Variants in LINGO2 observed in about 807,000 individuals in gnomAD.
LINGO2 encodes the protein leucine-rich repeat and immunoglobulin-like domain-containing nogo receptor-interacting protein 2.
LINGO2 carries 14 observed loss-of-function variants against 30.6 expected under a neutral mutation model. That is an observed-to-expected ratio of 0.46 (90% CI 0.30 to 0.72). The LOEUF is 0.72. Ranked by LOEUF, LINGO2 falls within the 30% of genes least tolerant of loss-of-function variation. LINGO2 has a pLI of 0.07. For synonymous variants in LINGO2, 317 were observed against 288.5 expected (o/e 1.10, Z -1.00); for missense variants, 729 against 751.7 (o/e 0.97, Z 0.35).
At chr9:28,028,831 C>T (rs973900333) in intron 4 of LINGO2, among the ~76,000 whole-genome samples, 4 of 152,080 alleles carry the variant, frequency 2.6e-5, no homozygotes, top group Non-Finnish European at 4.4e-5. Context: ...TGCCTACACT[C>T]ATATAGGGAA....
chr9:28,510,700 G>A (rs1385942532), intron 1 of LINGO2, among the ~76,000 whole-genome samples: 2 of 151,630 alleles, frequency 1.3e-5, no homozygotes, highest in African/African-American at 4.8e-5. Flanking sequence ...GTGTGTGTGT[G>A]TGTGTGTGTA....
intron 4 of LINGO2, among the ~76,000 whole-genome samples, chr9:28,040,133 C>T (rs531127295): frequency 6.6e-6 from 1 of 152,162 alleles, no homozygotes; most frequent in Admixed American, 6.5e-5. Context: ...TCACTCCCTT[C>T]CTTATAAACT....
the LINGO2 span, among the ~76,000 whole-genome samples, chr9:29,032,952 A>G: frequency 1.6e-4 from 24 of 152,226 alleles, no homozygotes; most frequent in East Asian, 3.9e-3. Context: ...GCCTAATTAA[A>G]CCAATATGAG....
At chr9:28,182,152 C>T (rs1172456281) in intron 4 of LINGO2, among the ~76,000 whole-genome samples, 1 of 152,006 alleles carries the variant, frequency 6.6e-6, no homozygotes, top group Non-Finnish European at 1.5e-5. Context: ...ACCTCAGAAA[C>T]AACACCGCAC....
chr9:27,990,295 T>C (rs1390248560), intron 5 of LINGO2, among the ~76,000 whole-genome samples: 2 of 152,072 alleles, frequency 1.3e-5, no homozygotes, highest in Non-Finnish European at 2.9e-5. Context: ...CACTAGTTTC[T>C]GACTGATTAA....
chr9:29,170,537 C>G, the LINGO2 span, among the ~76,000 whole-genome samples: 1 of 152,028 alleles, frequency 6.6e-6, no homozygotes, highest in Non-Finnish European at 1.5e-5. Flanking sequence ...GACTTCACCA[C>G]TATGCTATAT....
the LINGO2 span, among the ~76,000 whole-genome samples, chr9:28,816,752 T>A: frequency 6.6e-6 from 1 of 152,148 alleles, no homozygotes; most frequent in African/African-American, 2.4e-5. Flanking sequence ...CCTTGTAAAA[T>A]GAACTAGATA....
At chr9:29,147,145 T>C in the LINGO2 span, among the ~76,000 whole-genome samples, 1 of 151,060 alleles carries the variant, frequency 6.6e-6, no homozygotes, top group Non-Finnish European at 1.5e-5. Context: ...AAATTAAATG[T>C]TTTTTCATAT....
the LINGO2 span, among the ~76,000 whole-genome samples, chr9:28,700,457 T>G: frequency 6.6e-6 from 1 of 152,102 alleles, no homozygotes; most frequent in Non-Finnish European, 1.5e-5. Context: ...TTTTTGTGAC[T>G]TAATAGCTCA....
At chr9:28,145,702 T>C (rs1827794372) in intron 4 of LINGO2, among the ~76,000 whole-genome samples, 1 of 152,148 alleles carries the variant, frequency 6.6e-6, no homozygotes, top group Admixed American at 6.5e-5. Context: ...TCTTGCTGGA[T>C]GTGAAATTTG....
chr9:28,617,476 T>C (rs554716869), intron 1 of LINGO2, among the ~76,000 whole-genome samples: 2 of 152,152 alleles, frequency 1.3e-5, no homozygotes, highest in Admixed American at 6.5e-5. Context: ...TTTGTATTTT[T>C]AGTAGAGACG....
Position 28,174,917 on chromosome 9 carries a change from T to TGAGAGA in LINGO2, c.-87+120290_-87+120291insTCTCTC, listed in dbSNP as rs1262921989. Among the ~76,000 whole-genome samples the TGAGAGA allele has an allele frequency of 2.9e-5, 4 of 139,872 alleles. No individual in the cohort carries two copies. In the South Asian group the frequency reaches 9.1e-4, roughly 32 times the overall value. The allele number at this position is 139,872 out of a possible 152,430, so 91.8% of individuals were successfully genotyped here. ...GTGTCTCTGTGTGTGTGTGTGTGTGTGTGTGAGAGAGAGAGAGAGAGAGAG... is the reference window on the plus strand; with the variant it reads ...GTGTCTCTGTGTGTGTGTGTGTGTGTGAGAGAGTGTGAGAGAGAGAGAGAGAGAGAG... On this transcript the variant is annotated intron_variant, in intron 4 of 5. Transcript: ENST00000379992.
At chr9:28,059,248 C>G (rs920945296) in intron 4 of LINGO2, among the ~76,000 whole-genome samples, 1 of 152,058 alleles carries the variant, frequency 6.6e-6, no homozygotes, top group East Asian at 1.9e-4. Context: ...ATGTGCCTAC[C>G]CTTTTGACCT....
At chr9:28,507,362 T>C (rs1820193479) in intron 1 of LINGO2, among the ~76,000 whole-genome samples, 1 of 152,082 alleles carries the variant, frequency 6.6e-6, no homozygotes, top group Non-Finnish European at 1.5e-5. Context: ...CACATAGCAA[T>C]GGAAACTGGA....
chr9:28,966,469 G>T, the LINGO2 span, among the ~76,000 whole-genome samples: 1 of 152,004 alleles, frequency 6.6e-6, no homozygotes, highest in Non-Finnish European at 1.5e-5. Flanking sequence ...ATAAAGCAAG[G>T]TTGGTGATAA....
intron 4 of LINGO2, among the ~76,000 whole-genome samples, chr9:28,067,894 G>A (rs1825361197): frequency 6.6e-6 from 1 of 152,134 alleles, no homozygotes; most frequent in South Asian, 2.1e-4. Flanking sequence ...GAAGATCAGA[G>A]AGTTAAAGTG....
intron 1 of LINGO2, among the ~76,000 whole-genome samples, chr9:28,492,486 G>T (rs1826437933): frequency 6.6e-6 from 1 of 152,136 alleles, no homozygotes; most frequent in African/African-American, 2.4e-5. Context: ...ACCTGAAGCT[G>T]CATAACATAG....
At chr9:28,942,530 T>A in the LINGO2 span, among the ~76,000 whole-genome samples, 2 of 152,212 alleles carry the variant, frequency 1.3e-5, no homozygotes, top group Admixed American at 1.3e-4. Context: ...ACTAACTAGC[T>A]GTGACATTTC....
intron 4 of LINGO2, among the ~76,000 whole-genome samples, chr9:28,046,188 C>T (rs1824413305): frequency 6.6e-6 from 1 of 152,116 alleles, no homozygotes; most frequent in Non-Finnish European, 1.5e-5. Flanking sequence ...GCTAACTTCC[C>T]TTAGATGCAG....
Sources: gnomAD v4.1 joint callset for allele counts (sites outside exome capture counted in the v4.1 genomes callset) on GRCh38, gnomAD v4.1.1 for gene constraint, MANE v1.5 for transcripts, NCBI Gene and HGNC (gene_info 2026-07-23, HGNC 2026-07-21) for gene names.